ANKS1B: variants seen among roughly 807,000 people sequenced by gnomAD.
ANKS1B encodes ankyrin repeat and sterile alpha motif domain-containing protein 1B.
A neutral mutation model predicts 148.3 loss-of-function variants in ANKS1B; 36 were observed. That is an observed-to-expected ratio of 0.24 (90% CI 0.19 to 0.32). ANKS1B has a LOEUF of 0.32. Among genes scored for constraint, ANKS1B ranks in the 10% least tolerant of loss-of-function variants. The pLI is 1.00. For missense variants in ANKS1B, 1,157 were observed against 1,542.6 expected, an observed-to-expected ratio of 0.75 and a Z score of 4.19; for synonymous variants, 542 against 560.8, an observed-to-expected ratio of 0.97 and a Z score of 0.47.
chr12:99,558,460 G>T (rs1018927071), intron 9 of ANKS1B, among the ~76,000 whole-genome samples: 8 of 152,146 alleles, frequency 5.3e-5, no homozygotes, highest in South Asian at 2.1e-4. Context: ...TGTGTCAAGG[G>T]GGGAGGGGAG....
At chr12:98,830,694 G>A (rs1269929024) in intron 18 of ANKS1B, among the ~76,000 whole-genome samples, 3 of 152,108 alleles carry the variant, frequency 2.0e-5, no homozygotes, top group African/African-American at 7.2e-5. Context: ...AGCAAGTGCA[G>A]GACAAAATAG....
At chr12:99,038,944 A>G (rs1256150296) in intron 17 of ANKS1B, among the ~76,000 whole-genome samples, 1 of 152,210 alleles carries the variant, frequency 6.6e-6, no homozygotes, top group South Asian at 2.1e-4. Context: ...AGCTGATATC[A>G]TATTACAGAC....
chr12:98,769,683 G>C (rs1260831386), intron 25 of ANKS1B, among the ~76,000 whole-genome samples: 1 of 151,998 alleles, frequency 6.6e-6, no homozygotes, highest in Non-Finnish European at 1.5e-5. Context: ...AAACTCAAGG[G>C]GGCAGATAGT....
chr12:99,347,982 T>C (rs1052117131), intron 12 of ANKS1B, among the ~76,000 whole-genome samples: 1 of 151,612 alleles, frequency 6.6e-6, no homozygotes, highest in African/African-American at 2.4e-5. Flanking sequence ...TCTCACCAAA[T>C]AAAGAAGGCA....
chr12:99,514,088 C>G (rs1286146529), intron 9 of ANKS1B, among the ~76,000 whole-genome samples: 1 of 151,894 alleles, frequency 6.6e-6, no homozygotes, highest in Non-Finnish European at 1.5e-5. Context: ...AAAGAAGAAA[C>G]AAAGTTCCTT....
At chr12:99,348,768 G>A in intron 12 of ANKS1B, among the ~76,000 whole-genome samples, 1 of 151,886 alleles carries the variant, frequency 6.6e-6, no homozygotes, top group Non-Finnish European at 1.5e-5. Context: ...TTCACTAACA[G>A]ACTGGTACTG....
intron 8 of ANKS1B, among the ~76,000 whole-genome samples, chr12:99,756,283 T>G (rs958722777): frequency 2.0e-5 from 3 of 151,790 alleles, no homozygotes; most frequent in Admixed American, 1.3e-4. Context: ...ATAACTAGCA[T>G]TCCTACAACA....
At chr12:98,850,270 A>G (rs2099515224) in intron 17 of ANKS1B, among the ~76,000 whole-genome samples, 1 of 152,166 alleles carries the variant, frequency 6.6e-6, no homozygotes, top group African/African-American at 2.4e-5. Context: ...TATATCCCAC[A>G]ATTGGAGACT....
rs142336931 is a variant in ANKS1B, at chr12:98,766,085, C to G, written c.3579+6957G>C. Among the ~76,000 whole-genome samples, 154 of 152,344 alleles carry G rather than the reference C, an allele frequency of 1.0e-3. 1 individual carries two copies. Among genetic ancestry groups the G allele is most frequent in the African/African-American group, 3.6e-3 (151 of 41,584 alleles). Reference sequence around the variant, plus strand: ...CAATTTCAGAATGTCTGGTTTCTAACTTCACAAAAAATGGGATTAATTTAA... The same window carrying G: ...CAATTTCAGAATGTCTGGTTTCTAAGTTCACAAAAAATGGGATTAATTTAA... On this transcript the variant is annotated intron_variant, in intron 25 of 26. Transcript: ENST00000683438.
At chr12:99,007,123 TC>T (rs1316711459) in intron 17 of ANKS1B, among the ~76,000 whole-genome samples, 2 of 152,196 alleles carry the variant, frequency 1.3e-5, no homozygotes, top group African/African-American at 4.8e-5. Flanking sequence ...TCCAGATAAG[TC>T]CCATTTTAAA....
chr12:99,307,514 G>C (rs886393512), intron 12 of ANKS1B, among the ~76,000 whole-genome samples: 1 of 152,018 alleles, frequency 6.6e-6, no homozygotes, highest in Non-Finnish European at 1.5e-5. Flanking sequence ...GGCAGTCCTG[G>C]AGAGCCTGGA....
chr12:99,174,972 G>A (rs1264182131), intron 14 of ANKS1B, among the ~76,000 whole-genome samples: 1 of 152,036 alleles, frequency 6.6e-6, no homozygotes, highest in Non-Finnish European at 1.5e-5. Flanking sequence ...GCTCAATGAA[G>A]GAATTCTCTA....
downstream of ANKS1B, chr12:98,743,966 A>G: frequency 2.0e-6 from 2 of 978,648 alleles, no homozygotes; most frequent in Non-Finnish European, 2.4e-6. Flanking sequence ...AACGATGCCA[A>G]GCACCACTGC....
chr12:99,072,335 T>C (rs1038109010), intron 16 of ANKS1B, among the ~76,000 whole-genome samples: 4 of 152,172 alleles, frequency 2.6e-5, no homozygotes, highest in Admixed American at 2.6e-4. Flanking sequence ...TTCCTCTAAA[T>C]GTCAGAAACT....
downstream of ANKS1B, among the ~76,000 whole-genome samples, chr12:98,741,069 T>C (rs1450531156): frequency 2.0e-5 from 3 of 152,204 alleles, no homozygotes; most frequent in African/African-American, 4.8e-5. Flanking sequence ...ATCTCTGAAG[T>C]TCATGTTACA....
intron 17 of ANKS1B, among the ~76,000 whole-genome samples, chr12:99,000,485 T>C (rs559249205): frequency 1.7e-4 from 26 of 152,108 alleles, no homozygotes; most frequent in Admixed American, 3.9e-4. Context: ...GCCAGGCTGG[T>C]CTAGAACTCC....
chr12:99,808,547 T>C (rs936577161), intron 3 of ANKS1B, among the ~76,000 whole-genome samples: 1 of 152,118 alleles, frequency 6.6e-6, no homozygotes, highest in African/African-American at 2.4e-5. Flanking sequence ...CCTTCTTTAC[T>C]TGGTTTGAAA....
chr12:99,452,699 A>T (rs1342523453), intron 10 of ANKS1B, among the ~76,000 whole-genome samples: 1 of 152,266 alleles, frequency 6.6e-6, no homozygotes, highest in Non-Finnish European at 1.5e-5. Flanking sequence ...GATAATATTT[A>T]ACAGTAATTT....
intron 1 of ANKS1B, among the ~76,000 whole-genome samples, chr12:99,871,780 A>T (rs1012454371): frequency 6.6e-6 from 1 of 152,128 alleles, no homozygotes; most frequent in African/African-American, 2.4e-5. Flanking sequence ...TGAAACTATA[A>T]TGAAGTCATT....
Sources: allele counts gnomAD v4.1 joint callset (sites outside exome capture counted in the v4.1 genomes callset), GRCh38; gene constraint gnomAD v4.1.1; transcripts MANE v1.5; gene names NCBI Gene and HGNC (gene_info 2026-07-23, HGNC 2026-07-21).